TRPM3: variants seen among roughly 807,000 people sequenced by gnomAD.
TRPM3 encodes transient receptor potential cation channel subfamily M member 3.
In TRPM3, 77 loss-of-function variants were observed where a neutral mutation model predicts 181.2. That is an observed-to-expected ratio of 0.42 (90% confidence interval 0.35 to 0.51). TRPM3 has a LOEUF of 0.51. Among genes scored for constraint, TRPM3 ranks in the 20% least tolerant of loss-of-function variants. The pLI is 0.01. For synonymous variants in TRPM3, 745 were observed against 796.4 expected (o/e 0.94, Z 1.09); for missense variants, 1,759 against 2,196.7 (o/e 0.80, Z 3.98).
intron 9 of TRPM3, among the ~76,000 whole-genome samples, chr9:70,647,085 A>G (rs2058984578): frequency 6.6e-6 from 1 of 152,168 alleles, no homozygotes; most frequent in Non-Finnish European, 1.5e-5. Context: ...TGGACCAGCG[A>G]GATTCACAGC....
At chr9:70,996,618 T>A (rs2097543159) in intron 1 of TRPM3, among the ~76,000 whole-genome samples, 1 of 152,256 alleles carries the variant, frequency 6.6e-6, no homozygotes. Context: ...TAAAGTGCAC[T>A]GATTTCTCAC....
chr9:70,558,495 G>C (rs1296721515), intron 22 of TRPM3, among the ~76,000 whole-genome samples: 3 of 152,170 alleles, frequency 2.0e-5, no homozygotes, highest in African/African-American at 7.2e-5. Context: ...CTGATACCAA[G>C]GTTGAATTAT....
chr9:71,253,262 T>C (rs2082462151), intron 1 of TRPM3, among the ~76,000 whole-genome samples: 2 of 152,196 alleles, frequency 1.3e-5, no homozygotes, highest in Admixed American at 6.6e-5. Flanking sequence ...TGAAAAGTTC[T>C]ACTGACTCAA....
rs557116969 is a variant in TRPM3, at chr9:71,439,313, C to T, written c.183+7340G>A. On this transcript the variant is annotated intron_variant, in intron 1 of 24. Transcript: ENST00000357533. ...AAACAAAAGCAACTTCTGCTTTTTA[C>T]ATGCATTGTAACAAGTCTAGTCAAC... Among the ~76,000 whole-genome samples the T allele has an allele frequency of 8.5e-5, 13 of 152,346 alleles. No individual in the cohort carries two copies. In the South Asian group the frequency reaches 2.7e-3, roughly 32 times the overall value.
chr9:71,003,914 C>G (rs2097646114), intron 1 of TRPM3, among the ~76,000 whole-genome samples: 1 of 152,174 alleles, frequency 6.6e-6, no homozygotes. Flanking sequence ...GACTGTGCCA[C>G]ACCCTCCTCC....
chr9:70,613,705 C>G (rs1240591006), intron 18 of TRPM3, among the ~76,000 whole-genome samples: 1 of 152,222 alleles, frequency 6.6e-6, no homozygotes, highest in Non-Finnish European at 1.5e-5. Context: ...GAAGCTTGGG[C>G]AGCAAAGCTC....
At chr9:70,678,334 C>T (rs2064550080) in intron 9 of TRPM3, among the ~76,000 whole-genome samples, 4 of 152,036 alleles carry the variant, frequency 2.6e-5, no homozygotes, top group South Asian at 4.2e-4. Context: ...GTGGTGCAAT[C>T]GTGACTCACT....
chr9:71,094,764 A>T (rs577745951), intron 1 of TRPM3, among the ~76,000 whole-genome samples: 1 of 152,296 alleles, frequency 6.6e-6, no homozygotes, highest in African/African-American at 2.4e-5. Flanking sequence ...GGTACATCAG[A>T]TATTATTATA....
intron 1 of TRPM3, among the ~76,000 whole-genome samples, chr9:71,040,664 A>G (rs2132940719): frequency 6.6e-6 from 1 of 152,346 alleles, no homozygotes; most frequent in East Asian, 1.9e-4. Context: ...ATTGCAAAAT[A>G]AAGCAGAGAA....
chr9:70,617,562 G>A (rs1210578487), intron 17 of TRPM3, among the ~76,000 whole-genome samples: 1 of 151,354 alleles, frequency 6.6e-6, no homozygotes, highest in Non-Finnish European at 1.5e-5. Context: ...AATATGCTAA[G>A]AGAGTGGATT....
intron 1 of TRPM3, among the ~76,000 whole-genome samples, chr9:70,908,183 C>T (rs745435788): frequency 2.6e-5 from 4 of 152,260 alleles, no homozygotes; most frequent in Non-Finnish European, 4.4e-5. Context: ...TGACAAAAAT[C>T]GTATGAGCAG....
intron 1 of TRPM3, among the ~76,000 whole-genome samples, chr9:71,177,768 T>C (rs565352052): frequency 5.9e-5 from 9 of 152,196 alleles, no homozygotes; most frequent in Non-Finnish European, 1.3e-4. Context: ...TCCCTACCTT[T>C]AGGACTAGCA....
At chr9:71,043,669 G>C (rs1220074430) in intron 1 of TRPM3, among the ~76,000 whole-genome samples, 1 of 152,196 alleles carries the variant, frequency 6.6e-6, no homozygotes, top group Non-Finnish European at 1.5e-5. Flanking sequence ...GCCTGGACTA[G>C]CAACATCAGC....
chr9:71,102,263 C>T (rs890885821), intron 1 of TRPM3, among the ~76,000 whole-genome samples: 1 of 152,158 alleles, frequency 6.6e-6, no homozygotes, highest in Non-Finnish European at 1.5e-5. Context: ...AGTCTAGCTC[C>T]ACTTGGGATT....
At chr9:71,443,902 C>T (rs1432282247) in intron 1 of TRPM3, among the ~76,000 whole-genome samples, 12 of 152,132 alleles carry the variant, frequency 7.9e-5, no homozygotes, top group Admixed American at 7.9e-4. Flanking sequence ...AAAACTAGGT[C>T]AGGCACGGTG....
At chr9:71,293,343 T>G (rs937492154) in intron 1 of TRPM3, among the ~76,000 whole-genome samples, 9 of 151,946 alleles carry the variant, frequency 5.9e-5, no homozygotes, top group Middle Eastern at 3.4e-3. Flanking sequence ...AATAAAGAAA[T>G]AAAACATCCA....
chr9:71,223,714 C>T (rs528473425), intron 1 of TRPM3, among the ~76,000 whole-genome samples: 28 of 152,282 alleles, frequency 1.8e-4, no homozygotes, highest in Non-Finnish European at 2.6e-4. Flanking sequence ...GCATTCACTA[C>T]AATCTGACTG....
At chr9:71,089,026 T>G (rs1034435307) in intron 1 of TRPM3, among the ~76,000 whole-genome samples, 1 of 149,928 alleles carries the variant, frequency 6.7e-6, no homozygotes, top group African/African-American at 2.4e-5. Flanking sequence ...CTATATTAGC[T>G]GCTCTCCAGG....
chr9:70,959,463 A>G (rs945690855), intron 1 of TRPM3, among the ~76,000 whole-genome samples: 11 of 152,094 alleles, frequency 7.2e-5, no homozygotes, highest in Admixed American at 2.0e-4. Flanking sequence ...AGAGAAAAAA[A>G]AAAGGAAAAA....
Sources: allele counts gnomAD v4.1 joint callset (sites outside exome capture counted in the v4.1 genomes callset), GRCh38; gene constraint gnomAD v4.1.1; transcripts MANE v1.5; gene names NCBI Gene and HGNC (gene_info 2026-07-23, HGNC 2026-07-21).